ADI1: variants seen among roughly 807,000 people sequenced by gnomAD.
The protein encoded by ADI1 is acireductone dioxygenase 1, also known as acireductone dioxygenase.
ADI1 carries 21 observed loss-of-function variants against 18.7 expected under a neutral mutation model. That is an observed-to-expected ratio of 1.13 (90% CI 0.80 to 1.62). ADI1 has a LOEUF of 1.62. ADI1 is among the 40% of genes most tolerant of loss of function. ADI1 has a pLI of 0.00. For synonymous variants in ADI1, 90 were observed against 100.1 expected (o/e 0.90, Z 0.60); for missense variants, 245 against 254.9 (o/e 0.96, Z 0.26).
At chr2:3,502,661 G>C (rs1558425221) in intron 2 of ADI1, among the ~76,000 whole-genome samples, 2 of 152,040 alleles carry the variant, frequency 1.3e-5, no homozygotes, top group Admixed American at 6.6e-5. Flanking sequence ...TGTTGGTCAG[G>C]CTGGCCTCGA....
At chr2:3,517,949 G>A (rs1305593234) in intron 1 of ADI1, among the ~76,000 whole-genome samples, 2 of 152,120 alleles carry the variant, frequency 1.3e-5, no homozygotes, top group Non-Finnish European at 2.9e-5. Flanking sequence ...TTAAGAAGCT[G>A]ACCTGTAATC....
intron 1 of ADI1, chr2:3,517,058 T>G (rs913522552): frequency 4.3e-4 from 209 of 485,970 alleles, no homozygotes; most frequent in Middle Eastern, 1.0e-3. Flanking sequence ...GCCCCTGCAC[T>G]AGGCCCCAGG....
chr2:3,516,915 T>C (rs1479361763), intron 1 of ADI1: 2 of 984,686 alleles, frequency 2.0e-6, no homozygotes, highest in East Asian at 2.3e-4. Flanking sequence ...GTGGCTTTTT[T>C]GTTTTTTGGG....
In ADI1 at chr2:3,498,779, T is replaced by C; in HGVS notation, c.*184A>G. 1.0e-6 allele frequency: 1 copy of C among 969,776 alleles called. No individual in the cohort carries two copies. The highest frequency in any genetic ancestry group is 1.5e-6 in the Non-Finnish European group (1 of 685,370). The allele number at this position is 969,776 out of a possible 1,614,324, so 60.1% of individuals were successfully genotyped here. A position where few individuals can be genotyped will look rare whatever the true frequency, so the allele number is the denominator to read the frequency against. Reference sequence around the variant, plus strand: ...GTTACAGAAAATGAAGGTGACTCTTTACACTTCCAAGTTGCTTTCTAGATC... The same window carrying C: ...GTTACAGAAAATGAAGGTGACTCTTCACACTTCCAAGTTGCTTTCTAGATC... On this transcript the variant is annotated 3_prime_UTR_variant, in exon 4 of 4. Transcript: ENST00000327435.
intron 1 of ADI1, chr2:3,517,470 T>C (rs1667434328): frequency 6.6e-6 from 1 of 152,192 alleles, no homozygotes. Flanking sequence ...GAATGGATAT[T>C]AAGAAAGCAT....
chr2:3,515,428 C>G (rs1213970865), intron 1 of ADI1: 1 of 151,590 alleles, frequency 6.6e-6, no homozygotes, highest in Admixed American at 6.6e-5. Context: ...AATTTGTGGT[C>G]AGACCAGTTC....
chr2:3,511,786 T>G (rs1379765438), intron 2 of ADI1, among the ~76,000 whole-genome samples: 1 of 152,242 alleles, frequency 6.6e-6, no homozygotes, highest in Non-Finnish European at 1.5e-5. Context: ...TAACTCATTG[T>G]GACCAAAATG....
chr2:3,499,425 TAC>T (rs916344453), intron 3 of ADI1, among the ~76,000 whole-genome samples: 1 of 152,226 alleles, frequency 6.6e-6, no homozygotes, highest in Non-Finnish European at 1.5e-5. Flanking sequence ...CTCATTTGGC[TAC>T]AGTTTTCCTA....
chr2:3,516,901 G>C (rs1667421829), intron 1 of ADI1: 1 of 979,142 alleles, frequency 1.0e-6, no homozygotes, highest in South Asian at 4.7e-5. Flanking sequence ...TATGGGGTGT[G>C]TGTGTGGCTT....
Position 3,519,379 on chromosome 2 carries a change from G to T in ADI1, c.109C>A (p.Leu37Ile). The T allele has an allele frequency of 7.0e-7, 1 of 1,429,812 alleles. No homozygotes were observed. The allele number at this position is 1,429,812 out of a possible 1,614,324, so 88.6% of individuals were successfully genotyped here. ...GLEQLRRLGV[L>I]YWKLDADKYE... ...TTGGGCTCGCGTACCTTCCAGTAGAGCACCCCGAGCCGCCGCAGCTGCTCC... is the reference window on the plus strand; with the variant it reads ...TTGGGCTCGCGTACCTTCCAGTAGATCACCCCGAGCCGCCGCAGCTGCTCC... The change falls in exon 1 of 4, where the codon CTC (leucine) becomes ATC (isoleucine). Residue 37 changes from leucine (L) to isoleucine (I), a missense_variant. Physicochemically the swap from Leu to Ile is conservative, Grantham distance 5 (BLOSUM62 2). Transcript: ENST00000327435.
In ADI1 at chr2:3,497,954, G is replaced by A. The variant is rs1666903613; in HGVS notation, c.*1009C>T. 1 of 152,048 alleles carries A rather than the reference G, an allele frequency of 6.6e-6. No homozygotes were observed. Among genetic ancestry groups the A allele is most frequent in the Non-Finnish European group, 1.5e-5 (1 of 68,012 alleles). 9.4% of individuals were successfully genotyped at this position (152,048 alleles called of 1,614,324 possible). The stretch of plus-strand genomic sequence containing the variant: ...AGCACTTATTTTAATTACTGAGATA[G>A]AGTCACACTTGACAGAAGCAAGCCC... On this transcript the variant is annotated 3_prime_UTR_variant, in exon 4 of 4. Coordinates refer to ENST00000327435, the MANE Select transcript of ADI1 (RefSeq NM_018269.4).
intron 2 of ADI1, among the ~76,000 whole-genome samples, chr2:3,502,610 C>A (rs1317886887): frequency 6.6e-6 from 1 of 151,958 alleles, no homozygotes; most frequent in East Asian, 1.9e-4. Context: ...ATCACCACAC[C>A]CAGCTAATTT....
At chr2:3,517,262 G>C (rs757169458) in intron 1 of ADI1, 1 of 152,176 alleles carries the variant, frequency 6.6e-6, no homozygotes, top group Non-Finnish European at 1.5e-5. Flanking sequence ...GTAACTTGAC[G>C]TTAACCAATC....
At chr2:3,519,278 C>T (rs1572242180) in intron 1 of ADI1, 90 bp downstream of exon 1, 4 of 1,310,450 alleles carry the variant, frequency 3.1e-6, no homozygotes, top group South Asian at 2.0e-5. Flanking sequence ...GCTCCCAGGC[C>T]GCTGCCCGGC....
intron 1 of ADI1, chr2:3,516,038 T>C (rs985307911): frequency 2.0e-6 from 2 of 983,786 alleles, no homozygotes; most frequent in Non-Finnish European, 1.2e-6. Flanking sequence ...ACACATAATA[T>C]GTAATATGAC....
At chr2:3,502,457 T>C (rs2103202555) in intron 2 of ADI1, among the ~76,000 whole-genome samples, 1 of 150,814 alleles carries the variant, frequency 6.6e-6, no homozygotes, top group East Asian at 1.9e-4. Context: ...GCTCTTTTTT[T>C]TTTTTTTTTT....
In ADI1 at chr2:3,500,923, T is replaced by G; in HGVS notation, c.311A>C (p.Tyr104Ser). 1.2e-6 allele frequency: 2 copies of G among 1,614,168 alleles called. No individual in the cohort carries two copies. The highest frequency in any genetic ancestry group is 3.3e-5 in the Admixed American group (2 of 60,024). The change falls in exon 3 of 4, where the codon TAC (tyrosine) becomes TCC (serine). Residue 104 changes from tyrosine (Y) to serine (S), a missense_variant. By Grantham distance (144) the Tyr-to-Ser change is moderately radical. Transcript: ENST00000327435. ...EIRYILDGSG[Y>S]FDVRDKEDQW... is the part of the protein sequence containing the mutation. ...GTCCTCCTTGTCCCTCACATCGAAG[T>G]ACCCACTGCCATCCAGGATGTAGCG... is the stretch of plus-strand genomic sequence containing the variant.
chr2:3,504,191 G>A (rs1454907495), intron 2 of ADI1, among the ~76,000 whole-genome samples: 2 of 152,298 alleles, frequency 1.3e-5, no homozygotes, highest in African/African-American at 2.4e-5. Flanking sequence ...CCTCGGACAC[G>A]CTTACTCACA....
chr2:3,498,874 C>G lies in ADI1; in HGVS notation c.*89G>C, dbSNP rs1437418180. ...GATAATCTAGCCTCAAGGCTATCCT[C>G]TAAAAGCAAAGAGAAAGTGATTGAT... On this transcript the variant is annotated 3_prime_UTR_variant, in exon 4 of 4. Coordinates refer to ENST00000327435, the MANE Select transcript of ADI1 (RefSeq NM_018269.4). 1.3e-6 allele frequency: 2 copies of G among 1,509,686 alleles called. No homozygotes were observed. Among genetic ancestry groups the G allele is most frequent in the Non-Finnish European group, 1.8e-6 (2 of 1,119,568 alleles). The allele number at this position is 1,509,686 out of a possible 1,614,324, so 93.5% of individuals were successfully genotyped here. A position where few individuals can be genotyped will look rare whatever the true frequency, so the allele number is the denominator to read the frequency against.
Sources: allele counts gnomAD v4.1 joint callset (sites outside exome capture counted in the v4.1 genomes callset), GRCh38; gene constraint gnomAD v4.1.1; transcripts MANE v1.5; gene names NCBI Gene and HGNC (gene_info 2026-07-23, HGNC 2026-07-21).